The following SMARCA2 variants were observed in gnomAD, a reference collection of about 807,000 sequenced individuals.
The protein encoded by SMARCA2 is SWI/SNF-related matrix-associated actin-dependent regulator of chromatin subfamily A member 2.
Under a neutral mutation model 199.8 loss-of-function variants are expected in SMARCA2, and 61 were observed. The ratio of observed to expected loss-of-function variants is 0.31; its 90% CI spans 0.25 to 0.38. The LOEUF is 0.38. SMARCA2 is among the 10% of genes least tolerant of loss of function. The pLI is 1.00. For missense variants in SMARCA2, 1,344 were observed against 2,012.2 expected (o/e 0.67, Z 6.35); for synonymous variants, 935 against 732.0 (o/e 1.28, Z -4.48).
intron 19 of SMARCA2, among the ~76,000 whole-genome samples, chr9:2,089,796 G>C (rs1011847908): frequency 6.6e-6 from 1 of 152,174 alleles, no homozygotes; most frequent in African/African-American, 2.4e-5. Context: ...AATGGGTATA[G>C]TGGCCATGTG....
At chr9:2,191,163 T>C in intron 32 of SMARCA2, 103 bp from the exon 33 acceptor site, 2 of 1,132,050 alleles carry the variant, frequency 1.8e-6, no homozygotes, top group Non-Finnish European at 2.6e-6. Context: ...CTGGGCACTC[T>C]GGGATGTTTG....
chr9:2,025,971 G>C (rs1354495734), intron 1 of SMARCA2, among the ~76,000 whole-genome samples: 2 of 152,134 alleles, frequency 1.3e-5, no homozygotes, highest in African/African-American at 2.4e-5. Context: ...TTTGGATGAA[G>C]TCTTCAAGAT....
intron 22 of SMARCA2, 135 bp from the exon 23 acceptor site, chr9:2,103,868 C>T (rs1822638994): frequency 1.5e-6 from 1 of 659,118 alleles, no homozygotes; most frequent in Non-Finnish European, 2.6e-6. Context: ...CATATTCATT[C>T]ATTCATTCAT....
chr9:2,144,862 A>C (rs957247048), intron 27 of SMARCA2, among the ~76,000 whole-genome samples: 1 of 152,152 alleles, frequency 6.6e-6, no homozygotes, highest in Non-Finnish European at 1.5e-5. Flanking sequence ...TGCTGAGGAC[A>C]TCCAGACTTA....
intron 27 of SMARCA2, among the ~76,000 whole-genome samples, chr9:2,144,865 C>T (rs1479970366): frequency 1.3e-5 from 2 of 152,044 alleles, no homozygotes; most frequent in Admixed American, 1.3e-4. Context: ...TGAGGACATC[C>T]AGACTTAGTG....
At chr9:2,181,441 A>G in intron 29 of SMARCA2, 130 bp from the exon 30 acceptor site, 2 of 620,950 alleles carry the variant, frequency 3.2e-6, no homozygotes, top group Non-Finnish European at 5.8e-6. Flanking sequence ...ATTTTTCCTG[A>G]CTTAAAAAGC....
In SMARCA2 at chr9:2,040,262, G is replaced by C. The variant is rs1819549046; in HGVS notation, c.790+362G>C. 6 of 433,296 alleles carry C rather than the reference G, an allele frequency of 1.4e-5. No homozygotes were observed. In the East Asian group the frequency reaches 2.1e-4, roughly 15 times the overall value. The allele number at this position is 433,296 out of a possible 1,614,324, so 26.8% of individuals were successfully genotyped here. A position where few individuals can be genotyped will look rare whatever the true frequency, so the allele number is the denominator to read the frequency against. ...TTTCATCCCCAGAACTCACTGCTCA[G>C]ATCAGCCCCACTAGAGCCATTTTAT... On this transcript the variant is annotated intron_variant, in intron 4 of 33. Transcript: ENST00000349721.
At chr9:2,090,380 T>C (rs1822000816) in intron 19 of SMARCA2, among the ~76,000 whole-genome samples, 1 of 152,194 alleles carries the variant, frequency 6.6e-6, no homozygotes, top group Admixed American at 6.5e-5. Context: ...GGCAGCCATG[T>C]TATCTTTTCC....
chr9:2,024,572 C>T (rs553458638), intron 1 of SMARCA2, among the ~76,000 whole-genome samples: 98 of 152,308 alleles, frequency 6.4e-4, no homozygotes, highest in African/African-American at 2.2e-3. Context: ...CTTCTCTAGC[C>T]TGTGGTAAGT....
chr9:2,118,280 CA>C (rs2130608025), intron 25 of SMARCA2, among the ~76,000 whole-genome samples: 1 of 152,324 alleles, frequency 6.6e-6, no homozygotes, highest in Non-Finnish European at 1.5e-5. Context: ...TGACTTTAAT[CA>C]ATCTGGAGGC....
chr9:2,134,974 CAG>C (rs142076747), intron 27 of SMARCA2, among the ~76,000 whole-genome samples: 2,637 of 152,242 alleles, frequency 0.017, 82 homozygotes, highest in African/African-American at 0.059. Flanking sequence ...TCCACAGAAA[CAG>C]AACCAATGGG....
chr9:2,102,401 A>C (rs1169960519), intron 22 of SMARCA2, among the ~76,000 whole-genome samples: 2 of 152,162 alleles, frequency 1.3e-5, no homozygotes, highest in Non-Finnish European at 2.9e-5. Context: ...TATTTGGAGA[A>C]CAGTTCTCAG....
chr9:2,075,509 A>G (rs1029642119), intron 12 of SMARCA2: 1 of 152,272 alleles, frequency 6.6e-6, no homozygotes, highest in African/African-American at 2.4e-5. Flanking sequence ...AGTTATTGAG[A>G]GTTTTTAATC....
chr9:2,070,088 T>G (rs894087456), intron 9 of SMARCA2, among the ~76,000 whole-genome samples: 2 of 152,210 alleles, frequency 1.3e-5, no homozygotes, highest in African/African-American at 4.8e-5. Context: ...ATCTTCCCAC[T>G]CCCAAACACG....
rs1217976778 is a variant in SMARCA2, at chr9:2,169,729, C to CCT, written c.4200-689_4200-688dup. Among the ~76,000 whole-genome samples the CCT allele has an allele frequency of 5.3e-5, 8 of 152,214 alleles. No homozygotes were observed. In the East Asian group the frequency reaches 1.5e-3, roughly 29 times the overall value. Reference sequence around the variant, plus strand: ...ATCTGTGAAACCTGGCAGCTGCTTCCCTGCCACCACAAAAAGGGACACCAA... The same window carrying CCT: ...ATCTGTGAAACCTGGCAGCTGCTTCCCTCTGCCACCACAAAAAGGGACACCAA... On this transcript the variant is annotated intron_variant, in intron 28 of 33. Coordinates refer to ENST00000349721, the MANE Select transcript of SMARCA2 (RefSeq NM_003070.5). The surrounding 1 kb of genome is among the most constrained non-coding windows in gnomAD (Gnocchi z 6.5).
intron 27 of SMARCA2, among the ~76,000 whole-genome samples, chr9:2,152,045 G>C (rs1825106755): frequency 6.6e-6 from 1 of 151,676 alleles, no homozygotes; most frequent in South Asian, 2.1e-4. Flanking sequence ...GACTATAGGA[G>C]GACTTTTGAC....
chr9:2,155,530 C>T (rs899558229), intron 27 of SMARCA2, among the ~76,000 whole-genome samples: 2 of 152,112 alleles, frequency 1.3e-5, no homozygotes, highest in African/African-American at 4.8e-5. Context: ...ATCCACCCGC[C>T]TTGGCCTCCC....
chr9:2,022,668 T>A (rs1261194254), intron 1 of SMARCA2, among the ~76,000 whole-genome samples: 1 of 152,250 alleles, frequency 6.6e-6, no homozygotes, highest in Non-Finnish European at 1.5e-5. Flanking sequence ...TCTTTTTATA[T>A]GTTTAAAGTA....
chr9:2,152,317 C>T (rs928493449), intron 27 of SMARCA2, among the ~76,000 whole-genome samples: 2 of 150,638 alleles, frequency 1.3e-5, no homozygotes, highest in African/African-American at 2.4e-5. Flanking sequence ...TTTGGGTGGC[C>T]GGGGCAGGTG....
Sources: allele counts gnomAD v4.1 joint callset (sites outside exome capture counted in the v4.1 genomes callset), GRCh38; gene constraint gnomAD v4.1.1; non-coding constraint Gnocchi (gnomAD v3.1); transcripts MANE v1.5; gene names NCBI Gene and HGNC (gene_info 2026-07-23, HGNC 2026-07-21).